The following REEP5 variants were observed in gnomAD, a reference collection of about 807,000 sequenced individuals.
REEP5 encodes receptor accessory protein 5, also known as receptor expression-enhancing protein 5.
A neutral mutation model predicts 22.4 loss-of-function variants in REEP5; 24 were observed. The observed-to-expected ratio is 1.07, with a 90% CI of 0.78 to 1.51. The LOEUF (loss-of-function observed/expected upper bound fraction) is 1.51. REEP5 is among the 40% of genes most tolerant of loss of function. REEP5 has a pLI of 0.00. For missense variants in REEP5, 252 were observed against 233.0 expected (o/e 1.08, Z -0.53); for synonymous variants, 103 against 88.6 (o/e 1.16, Z -0.92).
intron 3 of REEP5, chr5:112,891,568 C>A: frequency 6.5e-7 from 1 of 1,548,526 alleles, no homozygotes; most frequent in Non-Finnish European, 8.7e-7. Context: ...CTGACAGTGG[C>A]AGCTATGAAC....
intron 2 of REEP5, 57 bp downstream of exon 2, chr5:112,921,106 G>T: frequency 6.5e-7 from 1 of 1,534,096 alleles, no homozygotes; most frequent in Non-Finnish European, 9.0e-7. Flanking sequence ...TACTGCAGCA[G>T]CCCTGCGGGG....
intron 3 of REEP5, chr5:112,891,962 A>G (rs1226569208): frequency 2.4e-6 from 3 of 1,242,214 alleles, no homozygotes; most frequent in Non-Finnish European, 3.6e-6. Context: ...CTAGAAGAAC[A>G]AGAGAGAAAG....
At chr5:112,919,648 T>A (rs1219011693) in intron 2 of REEP5, among the ~76,000 whole-genome samples, 3 of 152,158 alleles carry the variant, frequency 2.0e-5, no homozygotes, top group South Asian at 2.1e-4. Context: ...AGGGAGCCAG[T>A]TGACCCTTCT....
chr5:112,906,730 C>G (rs1028936303), intron 2 of REEP5, among the ~76,000 whole-genome samples: 2 of 152,218 alleles, frequency 1.3e-5, no homozygotes, highest in Non-Finnish European at 2.9e-5. Flanking sequence ...CTGGGTCCTT[C>G]TTCAGACCTA....
At chr5:112,910,569 G>A (rs961335463) in intron 2 of REEP5, among the ~76,000 whole-genome samples, 16 of 152,078 alleles carry the variant, frequency 1.1e-4, no homozygotes, top group African/African-American at 3.4e-4. Flanking sequence ...TTTTGATCTG[G>A]AGAGAGTATC....
intron 2 of REEP5, among the ~76,000 whole-genome samples, chr5:112,915,107 T>C (rs1050452277): frequency 6.6e-6 from 1 of 152,084 alleles, no homozygotes; most frequent in Non-Finnish European, 1.5e-5. Context: ...TGAGTCCTCA[T>C]TCAAAGTCAG....
chr5:112,883,078 T>C (rs1768127031), intron 4 of REEP5, among the ~76,000 whole-genome samples: 1 of 152,244 alleles, frequency 6.6e-6, no homozygotes, highest in African/African-American at 2.4e-5. Flanking sequence ...TTTTGCTCTG[T>C]TGAATTATTC....
intron 2 of REEP5, among the ~76,000 whole-genome samples, chr5:112,920,779 C>G (rs1321771881): frequency 6.6e-6 from 1 of 152,128 alleles, no homozygotes; most frequent in Non-Finnish European, 1.5e-5. Flanking sequence ...GTTTTACTCT[C>G]TAGGTGCATA....
chr5:112,884,779 GC>G (rs35461707), intron 4 of REEP5, among the ~76,000 whole-genome samples: 67,078 of 147,844 alleles, frequency 0.45, 17,112 homozygotes, highest in African/African-American at 0.73. Context: ...CCAGTCCTTG[GC>G]CCCCCCCCAT....
intron 3 of REEP5, chr5:112,892,118 A>T (rs1768482092): frequency 6.2e-7 from 1 of 1,613,984 alleles, no homozygotes; most frequent in South Asian, 1.1e-5. Flanking sequence ...ACATGGCAAA[A>T]CCCAGAACCA....
intron 3 of REEP5, among the ~76,000 whole-genome samples, chr5:112,888,294 G>C (rs960927093): frequency 3.9e-5 from 6 of 152,224 alleles, no homozygotes; most frequent in African/African-American, 1.2e-4. Flanking sequence ...TAACACTAAT[G>C]ACAAGAGTTT....
At chr5:112,921,541 A>C in intron 1 of REEP5, 2 of 491,816 alleles carry the variant, frequency 4.1e-6, no homozygotes, top group Admixed American at 3.4e-5. Context: ...GGTCCCAGGC[A>C]CCCGCTTCCG....
At chr5:112,891,219 C>T (rs888664754) in intron 3 of REEP5, among the ~76,000 whole-genome samples, 2 of 152,066 alleles carry the variant, frequency 1.3e-5, no homozygotes, top group Non-Finnish European at 2.9e-5. Flanking sequence ...ATTACAGGCA[C>T]GTGCTACCAA....
intron 2 of REEP5, among the ~76,000 whole-genome samples, chr5:112,910,998 G>C (rs1769092029): frequency 6.6e-6 from 1 of 152,200 alleles, no homozygotes; most frequent in African/African-American, 2.4e-5. Context: ...TTGGAGTTAA[G>C]GGTATCCATG....
chr5:112,877,462 A>G lies in REEP5; in HGVS notation c.*1324T>C, dbSNP rs1473307051. ...ATTGCTCTCTATAACGATTTGGCAG[A>G]TCAATGGAGACATCCGTTTTAACTT... is the stretch of plus-strand genomic sequence containing the variant. On this transcript the variant is annotated 3_prime_UTR_variant, in exon 5 of 5. Coordinates refer to ENST00000379638, the MANE Select transcript of REEP5 (RefSeq NM_005669.5). 6.6e-6 allele frequency: 1 copy of G among 152,218 alleles called. No individual in the cohort carries two copies. The highest frequency in any genetic ancestry group is 1.5e-5 in the Non-Finnish European group (1 of 68,038). The allele number at this position is 152,218 out of a possible 1,614,324, so 9.4% of individuals were successfully genotyped here. A position where few individuals can be genotyped will look rare whatever the true frequency, so the allele number is the denominator to read the frequency against.
intron 4 of REEP5, chr5:112,885,809 G>T: frequency 4.7e-6 from 1 of 214,540 alleles, no homozygotes; most frequent in Non-Finnish European, 9.9e-6. Flanking sequence ...AGCTAATGCG[G>T]TAGTGAAAAT....
intron 2 of REEP5, among the ~76,000 whole-genome samples, chr5:112,916,280 G>C (rs1379664928): frequency 1.3e-5 from 2 of 151,926 alleles, no homozygotes; most frequent in East Asian, 3.8e-4. Context: ...TAACCTTCTT[G>C]CCATCCCTTT....
chr5:112,921,348 TAGG>T (rs903945776), intron 1 of REEP5, 92 bp from the exon 2 acceptor site: 6 of 1,236,608 alleles, frequency 4.9e-6, no homozygotes, highest in East Asian at 4.8e-5. Flanking sequence ...GGGCCTGTTG[TAGG>T]AGTTTTCCTC....
chr5:112,898,120 G>T (rs977018752), intron 3 of REEP5: 44 of 152,142 alleles, frequency 2.9e-4, no homozygotes, highest in African/African-American at 1.0e-3. Context: ...CACACTTCCA[G>T]TCAGCATGCG....
Sources: gnomAD v4.1 joint callset for allele counts (sites outside exome capture counted in the v4.1 genomes callset) on GRCh38, gnomAD v4.1.1 for gene constraint, MANE v1.5 for transcripts, NCBI Gene and HGNC (gene_info 2026-07-23, HGNC 2026-07-21) for gene names.